PTPRN2: variants seen among roughly 807,000 people sequenced by gnomAD.
The protein encoded by PTPRN2 is protein tyrosine phosphatase receptor type N2, also known as receptor-type tyrosine-protein phosphatase N2.
A neutral mutation model predicts 118.8 loss-of-function variants in PTPRN2; 74 were observed. That is an observed-to-expected ratio of 0.62 (90% confidence interval 0.52 to 0.76). The LOEUF is 0.76. PTPRN2 is among the 30% of genes least tolerant of loss of function. The pLI is 0.00. For missense variants in PTPRN2, 1,481 were observed against 1,394.4 expected (o/e 1.06, Z -0.99); for synonymous variants, 641 against 608.0 (o/e 1.05, Z -0.80).
At chr7:157,997,020 T>G (rs911935311) in intron 11 of PTPRN2, among the ~76,000 whole-genome samples, 21 of 152,182 alleles carry the variant, frequency 1.4e-4, no homozygotes, top group African/African-American at 4.8e-4. Flanking sequence ...TCAACAGGCA[T>G]GAGGAGCAGT....
chr7:157,675,730 C>T (rs992608890), intron 13 of PTPRN2, among the ~76,000 whole-genome samples: 4 of 152,106 alleles, frequency 2.6e-5, no homozygotes, highest in East Asian at 1.9e-4. Context: ...AAGTCACCCT[C>T]GGGCAGCGCT....
intron 2 of PTPRN2, among the ~76,000 whole-genome samples, chr7:158,470,912 C>G (rs1402500589): frequency 1.3e-5 from 2 of 151,912 alleles, no homozygotes; most frequent in African/African-American, 2.4e-5. Context: ...CAGCTCACTG[C>G]AAACTCTGCC....
At chr7:158,122,968 T>A (rs1364500390) in intron 9 of PTPRN2, among the ~76,000 whole-genome samples, 2 of 152,212 alleles carry the variant, frequency 1.3e-5, no homozygotes, top group Non-Finnish European at 2.9e-5. Context: ...GGACCCGCCA[T>A]GACCGACCCT....
intron 1 of PTPRN2, among the ~76,000 whole-genome samples, chr7:158,572,676 A>G (rs1052194701): frequency 4.6e-5 from 7 of 152,134 alleles, no homozygotes; most frequent in African/African-American, 1.4e-4. Flanking sequence ...GTGATCCTTC[A>G]TTATTTCATA....
chr7:158,313,669 T>C (rs554038481), intron 3 of PTPRN2, among the ~76,000 whole-genome samples: 6 of 152,208 alleles, frequency 3.9e-5, no homozygotes, highest in Non-Finnish European at 8.8e-5. Flanking sequence ...GCTCTTATCC[T>C]CAAGAACAGG....
At chr7:158,386,095 C>A (rs1811333446) in intron 2 of PTPRN2, among the ~76,000 whole-genome samples, 2 of 130,684 alleles carry the variant, frequency 1.5e-5, no homozygotes, top group South Asian at 5.1e-4. Context: ...TCCCGTGCCC[C>A]AAGTCCCTCC....
At chr7:157,584,474 G>A (rs985647988) in intron 17 of PTPRN2, among the ~76,000 whole-genome samples, 1 of 152,342 alleles carries the variant, frequency 6.6e-6, no homozygotes, top group East Asian at 1.9e-4. Context: ...GGCTTGCATG[G>A]CAGAAGTCCT....
intron 11 of PTPRN2, among the ~76,000 whole-genome samples, chr7:157,917,195 G>T (rs1344597135): frequency 6.6e-6 from 1 of 152,258 alleles, no homozygotes; most frequent in African/African-American, 2.4e-5. Flanking sequence ...CCGCAGCTGG[G>T]GAGCTTCTGG....
chr7:158,213,312 A>G (rs571103485), intron 3 of PTPRN2, among the ~76,000 whole-genome samples: 10 of 151,990 alleles, frequency 6.6e-5, no homozygotes, highest in African/African-American at 2.4e-4. Context: ...AAAAGAGCTC[A>G]GTAAATATAA....
intron 1 of PTPRN2, chr7:158,539,515 A>C (rs913244668): frequency 1.3e-5 from 2 of 154,750 alleles, no homozygotes; most frequent in African/African-American, 4.8e-5. Context: ...GCCTTGGAGC[A>C]AACCCAGGGA....
intron 15 of PTPRN2, among the ~76,000 whole-genome samples, 177 bp from the exon 16 acceptor site, chr7:157,604,252 G>A (rs915271695): frequency 3.9e-5 from 6 of 152,082 alleles, no homozygotes; most frequent in African/African-American, 1.4e-4. Flanking sequence ...GCCCAGCAGT[G>A]TGGGACCCCT....
At chr7:158,097,893 C>T (rs574712694) in intron 10 of PTPRN2, among the ~76,000 whole-genome samples, 1 of 152,348 alleles carries the variant, frequency 6.6e-6, no homozygotes, top group Admixed American at 6.5e-5. Flanking sequence ...TGACAGCTTG[C>T]GCATCCTGTC....
chr7:158,131,422 A>AACAC (rs55822226), intron 9 of PTPRN2, among the ~76,000 whole-genome samples: 1 of 145,632 alleles, frequency 6.9e-6, no homozygotes, highest in Non-Finnish European at 1.5e-5. Context: ...ACATCTACCC[A>AACAC]ACACACACAC....
intron 2 of PTPRN2, among the ~76,000 whole-genome samples, chr7:158,337,026 A>G (rs1156652213): frequency 2.0e-5 from 2 of 101,516 alleles, no homozygotes; most frequent in Middle Eastern, 4.8e-3. Flanking sequence ...AAGAGCTGTC[A>G]CCCACAGACA....
rs538827471 is a variant in PTPRN2 at position 157,799,922 on chromosome 7, C to T, written c.1788+98751G>A. 4.1e-3 allele frequency among the ~76,000 whole-genome samples: 613 copies of T among 147,902 alleles called. 7 individuals carry two copies. Among genetic ancestry groups the T allele is most frequent in the African/African-American group, 0.015 (577 of 39,062 alleles). On this transcript the variant is annotated intron_variant, in intron 12 of 22. Coordinates refer to ENST00000389418, the MANE Select transcript of PTPRN2 (RefSeq NM_002847.5). ...CTCCATCCCTCAGAGGCACCACAGC[C>T]GGCCCCCTCCATCCCTCAGAGGCAC... is the stretch of plus-strand genomic sequence containing the variant.
chr7:157,605,292 A>G (rs1801937065), intron 15 of PTPRN2, among the ~76,000 whole-genome samples: 1 of 152,236 alleles, frequency 6.6e-6, no homozygotes, highest in Non-Finnish European at 1.5e-5. Context: ...CGGCCAGACC[A>G]GACACACTGC....
chr7:158,239,620 C>G (rs989424961), intron 3 of PTPRN2, among the ~76,000 whole-genome samples: 3 of 152,332 alleles, frequency 2.0e-5, no homozygotes, highest in South Asian at 2.1e-4. Context: ...CTTCTCCTCT[C>G]GGAGCTCAAG....
intron 13 of PTPRN2, among the ~76,000 whole-genome samples, chr7:157,677,210 G>A (rs1412476787): frequency 6.6e-6 from 1 of 152,164 alleles, no homozygotes; most frequent in African/African-American, 2.4e-5. Flanking sequence ...CATAGGAATG[G>A]CCTAGTGCCA....
Position 158,548,990 on chromosome 7 carries a change from C to G in PTPRN2, c.112+38568G>C, listed in dbSNP as rs1453608602. ...CCAGGCACGGCCAACGCCCGGCCCCCGCTTGAGTTGGCCTTGAGCTCCCTC... is the reference window on the plus strand; with the variant it reads ...CCAGGCACGGCCAACGCCCGGCCCCGGCTTGAGTTGGCCTTGAGCTCCCTC... On this transcript the variant is annotated intron_variant, in intron 1 of 22. Transcript: ENST00000389418. Among the ~76,000 whole-genome samples the G allele has an allele frequency of 2.6e-5, 4 of 152,218 alleles. No homozygotes were observed. The South Asian group carries it at 8.3e-4, about 31-fold the overall frequency.
Sources: gnomAD v4.1 joint callset for allele counts (sites outside exome capture counted in the v4.1 genomes callset) on GRCh38, gnomAD v4.1.1 for gene constraint, MANE v1.5 for transcripts, NCBI Gene and HGNC (gene_info 2026-07-23, HGNC 2026-07-21) for gene names.